AP5M1: variants seen among roughly 807,000 people sequenced by gnomAD.
AP5M1 encodes AP-5 complex subunit mu-1.
A neutral mutation model predicts 52.3 loss-of-function variants in AP5M1; 44 were observed. The observed-to-expected ratio is 0.84, with a 90% CI of 0.66 to 1.08. AP5M1 has a LOEUF of 1.08. AP5M1 is among the 50% of genes least tolerant of loss of function. The pLI, the probability that AP5M1 is intolerant of heterozygous loss-of-function variation, is 0.00. For missense variants in AP5M1, 526 were observed against 568.4 expected, an observed-to-expected ratio of 0.93 and a Z score of 0.76; for synonymous variants, 213 against 199.0, an observed-to-expected ratio of 1.07 and a Z score of -0.59.
Position 57,288,812 on chromosome 14 carries a change from A to C in AP5M1, c.1401A>C (p.Leu467=). The C allele has an allele frequency of 6.3e-7, 1 of 1,583,572 alleles. No homozygotes were observed. Among genetic ancestry groups the C allele is most frequent in the Non-Finnish European group, 8.6e-7 (1 of 1,157,228 alleles). The change falls in exon 8 of 8, where the codon CTA becomes CTC. Residue 467 remains leucine (L), a synonymous_variant. Coordinates refer to ENST00000261558, the MANE Select transcript of AP5M1 (RefSeq NM_018229.4). ...GKPKISAHRK[L]ISSDYYIWNS... is the part of the protein sequence containing the mutation. The stretch of plus-strand genomic sequence containing the variant: ...TTTTCTTTTCTTTAGACCGGAAACT[A>C]ATTTCTTCTGATTATTACATCTGGA...
chr14:57,282,190 T>C lies in AP5M1; in HGVS notation c.1050T>C (p.Asn350=), dbSNP rs762810217. The C allele has an allele frequency of 3.8e-6, 6 of 1,574,274 alleles. No homozygotes were observed. The South Asian group carries it at 7.3e-5, about 19-fold the overall frequency. The change falls in exon 4 of 8, where the codon AAT becomes AAC. Residue 350 remains asparagine, a synonymous_variant. Transcript: ENST00000261558. ...NLKLHESVKN[N]FEFCEAHIPF... ...AACTTCATGAAAGTGTGAAAAATAA[T>C]TTTGAATTCTGTGAAGCCCATATAC...
intron 3 of AP5M1, among the ~76,000 whole-genome samples, chr14:57,281,723 G>A (rs1424453656): frequency 1.3e-5 from 2 of 152,208 alleles, no homozygotes; most frequent in African/African-American, 4.8e-5. Context: ...AGTTACTGCT[G>A]AACGATGGGA....
rs974147520 is a variant in AP5M1 at position 57,291,510 on chromosome 14, C to G, written c.*2626C>G. ...TAGAGCCAGCAATATAGTACTTAGG[C>G]AATACCCTTACGGTGGTGGCAATTT... On this transcript the variant is annotated 3_prime_UTR_variant, in exon 8 of 8. Coordinates refer to ENST00000261558, the MANE Select transcript of AP5M1 (RefSeq NM_018229.4). 3.3e-5 allele frequency: 5 copies of G among 151,816 alleles called. No individual in the cohort carries two copies. Among genetic ancestry groups the G allele is most frequent in the African/African-American group, 1.2e-4 (5 of 41,390 alleles). The allele number at this position is 151,816 out of a possible 1,614,324, so 9.4% of individuals were successfully genotyped here.
chr14:57,270,910 C>A (rs1441490240), intron 1 of AP5M1, among the ~76,000 whole-genome samples: 1 of 152,170 alleles, frequency 6.6e-6, no homozygotes, highest in Non-Finnish European at 1.5e-5. Flanking sequence ...TCATCTAAGG[C>A]AGCATGTCCA....
Position 57,288,874 on chromosome 14 carries a change from T to G in AP5M1, c.1463T>G (p.Leu488Ter). 6.5e-7 allele frequency: 1 copy of G among 1,533,142 alleles called. No homozygotes were observed. The highest frequency in any genetic ancestry group is 9.0e-7 in the Non-Finnish European group (1 of 1,112,262). 95.0% of individuals were successfully genotyped at this position (1,533,142 alleles called of 1,614,324 possible). Residue 488 changes from leucine to a stop codon, truncating the protein, a stop_gained, in exon 8 of 8, where the codon TTA (leucine) becomes TGA (stop). Coordinates refer to ENST00000261558, the MANE Select transcript of AP5M1 (RefSeq NM_018229.4). LOFTEE classifies it high-confidence loss of function. Reference protein sequence around the residue: ...KAPAPVTYGSLLL With the variant: ...KAPAPVTYGS ...CCTGCTCCAGTAACATATGGATCAT[T>G]ATTATTGTAATAGTCTCATGTTTAA...
chr14:57,281,854 C>T (rs191931746), intron 3 of AP5M1, among the ~76,000 whole-genome samples: 107 of 152,230 alleles, frequency 7.0e-4, no homozygotes, highest in African/African-American at 2.5e-3. Context: ...GGAGCCTGGA[C>T]GAGCAAGTAT....
rs1169212259 is a variant in AP5M1, at chr14:57,294,468, A to G, written c.*5584A>G. ...AAAGAGATAATTAGTGACTATATCT[A>G]TTTTAAAACCCTGTGATTTTTCTCT... On this transcript the variant is annotated 3_prime_UTR_variant, in exon 8 of 8. Coordinates refer to ENST00000261558, the MANE Select transcript of AP5M1 (RefSeq NM_018229.4). 2 of 151,904 alleles carry G rather than the reference A, an allele frequency of 1.3e-5. No individual in the cohort carries two copies. Among genetic ancestry groups the G allele is most frequent in the Non-Finnish European group, 2.9e-5 (2 of 67,852 alleles). The allele number at this position is 151,904 out of a possible 1,614,324, so 9.4% of individuals were successfully genotyped here.
chr14:57,279,993 G>A (rs1453559154), intron 2 of AP5M1, among the ~76,000 whole-genome samples: 3 of 152,306 alleles, frequency 2.0e-5, no homozygotes, highest in East Asian at 3.9e-4. Context: ...ATAAGCAATG[G>A]AGTCTATGAG....
At chr14:57,287,386 C>A (rs1253653650) in intron 7 of AP5M1, among the ~76,000 whole-genome samples, 1 of 152,110 alleles carries the variant, frequency 6.6e-6, no homozygotes, top group African/African-American at 2.4e-5. Flanking sequence ...AATATAATTT[C>A]TACTATGTAA....
At chr14:57,280,054 A>G (rs573441072) in intron 2 of AP5M1, 141 bp from the exon 3 acceptor site, 39 of 693,638 alleles carry the variant, frequency 5.6e-5, no homozygotes, top group Non-Finnish European at 8.8e-5. Context: ...AAAACCATTA[A>G]TAAGAACACA....
chr14:57,282,529 A>G (rs1191346392), intron 4 of AP5M1, among the ~76,000 whole-genome samples: 2 of 152,150 alleles, frequency 1.3e-5, no homozygotes, highest in Non-Finnish European at 1.5e-5. Flanking sequence ...GTCAAACCAA[A>G]CTATCAACAA....
chr14:57,271,234 A>G (rs1241425540), intron 1 of AP5M1: 1 of 152,252 alleles, frequency 6.6e-6, no homozygotes, highest in South Asian at 2.1e-4. Flanking sequence ...TTTGCCTCCA[A>G]AGAACACTGC....
At chr14:57,273,689 G>T in intron 1 of AP5M1, 1 of 701,744 alleles carries the variant, frequency 1.4e-6, no homozygotes. Context: ...TTACTAAAAT[G>T]ATCTTCCATG....
Position 57,274,797 on chromosome 14 carries a change from T to G in AP5M1, c.628T>G (p.Ser210Ala), listed in dbSNP as rs1367942161. ...TGTYKGKPQV[S>A]ISITEKVKSM... ...GACGTACAAAGGAAAACCACAAGTTTCTATTTCTATCACTGAAAAGGTAAA... is the reference window on the plus strand; with the variant it reads ...GACGTACAAAGGAAAACCACAAGTTGCTATTTCTATCACTGAAAAGGTAAA... The change falls in exon 2 of 8, where the codon TCT (serine) becomes GCT (alanine). Residue 210 changes from serine (S) to alanine (A), a missense_variant. By Grantham distance (99) the Ser-to-Ala change is moderately conservative. Around this residue, in one of 3 missense-constraint regions of AP5M1, gnomAD observed 425 missense variants for 430.6 expected, o/e 0.99. Transcript: ENST00000261558. 1 of 1,614,180 alleles carries G rather than the reference T, an allele frequency of 6.2e-7. No homozygotes were observed. Among genetic ancestry groups the G allele is most frequent in the East Asian group, 2.2e-5 (1 of 44,878 alleles).
chr14:57,284,396 G>T (rs917780145), intron 6 of AP5M1, among the ~76,000 whole-genome samples: 10 of 152,140 alleles, frequency 6.6e-5, no homozygotes, highest in Admixed American at 1.3e-4. Context: ...TAAAGTAGGG[G>T]ATAGTCTTTC....
chr14:57,281,798 T>C (rs1419947202), intron 3 of AP5M1, among the ~76,000 whole-genome samples: 1 of 152,232 alleles, frequency 6.6e-6, no homozygotes, highest in Non-Finnish European at 1.5e-5. Context: ...GTAATCAGTA[T>C]GCCTACTGCA....
Position 57,286,293 on chromosome 14 carries a change from C to T in AP5M1, c.1364C>T (p.Ala455Val). 1 of 1,611,902 alleles carries T rather than the reference C, an allele frequency of 6.2e-7. No homozygotes were observed. The highest frequency in any genetic ancestry group is 8.5e-7 in the Non-Finnish European group (1 of 1,178,312). Reference protein sequence around the residue: ...YADQHSVQVFASGKPKISAHR... With the variant: ...YADQHSVQVFVSGKPKISAHR... ...GATCAGCATTCAGTTCAAGTTTTTG[C>T]ATCAGGAAAACCAAAAATAAGTGCA... The change falls in exon 7 of 8, where the codon GCA (alanine) becomes GTA (valine). Residue 455 changes from alanine to valine, a missense_variant. Physicochemically the swap from Ala to Val is moderately conservative, Grantham distance 64. Transcript: ENST00000261558.
intron 1 of AP5M1, among the ~76,000 whole-genome samples, chr14:57,269,717 A>C (rs918318870): frequency 1.3e-5 from 2 of 152,266 alleles, no homozygotes; most frequent in African/African-American, 4.8e-5. Flanking sequence ...AAACATTTTC[A>C]GATTTTTCAA....
chr14:57,279,457 C>T (rs544704519), intron 2 of AP5M1, among the ~76,000 whole-genome samples: 1 of 152,250 alleles, frequency 6.6e-6, no homozygotes, highest in Middle Eastern at 3.4e-3. Flanking sequence ...CATGTTGTCA[C>T]TTATAAGTGG....
Sources: allele counts gnomAD v4.1 joint callset (sites outside exome capture counted in the v4.1 genomes callset), GRCh38; gene constraint gnomAD v4.1.1; regional missense constraint gnomAD v4.1.1; transcripts MANE v1.5; gene names NCBI Gene and HGNC (gene_info 2026-07-23, HGNC 2026-07-21).